The following CHODL variants were observed in gnomAD, a reference collection of about 807,000 sequenced individuals.
CHODL encodes the protein chondrolectin, also known as transmembrane protein MT75.
In CHODL, 29 loss-of-function variants were observed where a neutral mutation model predicts 34.5. The ratio of observed to expected loss-of-function variants is 0.84; its 90% CI spans 0.63 to 1.15. The LOEUF is 1.15. Ranked by LOEUF, CHODL falls within the 50% of genes most tolerant of loss-of-function variation. CHODL has a pLI of 0.00. For synonymous variants in CHODL, 125 were observed against 116.1 expected (o/e 1.08, Z -0.49); for missense variants, 332 against 332.5 (o/e 1.00, Z 0.01).
intron 2 of CHODL, among the ~76,000 whole-genome samples, chr21:18,170,496 G>T (rs968658724): frequency 6.6e-6 from 1 of 151,806 alleles, no homozygotes; most frequent in Non-Finnish European, 1.5e-5. Flanking sequence ...CTCTATTACT[G>T]GCTTATTTGG....
At chr21:18,210,777 A>G (rs1446484671) in intron 2 of CHODL, among the ~76,000 whole-genome samples, 3 of 152,208 alleles carry the variant, frequency 2.0e-5, no homozygotes, top group Non-Finnish European at 4.4e-5. Flanking sequence ...AGCAAAAGCA[A>G]CTTTTGCTCT....
At chr21:18,160,131 A>G (rs1164240106) in intron 2 of CHODL, among the ~76,000 whole-genome samples, 3 of 152,200 alleles carry the variant, frequency 2.0e-5, no homozygotes, top group Non-Finnish European at 4.4e-5. Context: ...CAACAATCTT[A>G]GAAGAAAGGA....
intron 1 of CHODL, among the ~76,000 whole-genome samples, chr21:17,920,757 A>AATAC (rs1365402499): frequency 6.6e-6 from 1 of 152,232 alleles, no homozygotes; most frequent in Non-Finnish European, 1.5e-5. Context: ...TATCGGAGTA[A>AATAC]ATACATCTGA....
chr21:18,031,502 C>G (rs1000787823), intron 2 of CHODL, among the ~76,000 whole-genome samples: 14 of 151,930 alleles, frequency 9.2e-5, no homozygotes, highest in Admixed American at 1.3e-4. Context: ...TGGGGCAGGA[C>G]AGACTTTATT....
intron 2 of CHODL, among the ~76,000 whole-genome samples, chr21:18,195,431 T>G (rs2073575521): frequency 6.6e-6 from 1 of 152,174 alleles, no homozygotes; most frequent in Admixed American, 6.6e-5. Context: ...TAACTGAAAC[T>G]TTGTACCCTT....
chr21:17,931,072 G>A (rs1417745667), intron 1 of CHODL, among the ~76,000 whole-genome samples: 1 of 152,168 alleles, frequency 6.6e-6, no homozygotes, highest in East Asian at 1.9e-4. Context: ...ATGTGGAGCT[G>A]GTGGAGCCCC....
intron 1 of CHODL, among the ~76,000 whole-genome samples, chr21:17,971,684 C>G (rs971871101): frequency 2.0e-5 from 3 of 151,870 alleles, no homozygotes; most frequent in Non-Finnish European, 4.4e-5. Flanking sequence ...CAAAAAAAGC[C>G]CAGGACCAGA....
chr21:18,137,640 T>C (rs1164674581), intron 2 of CHODL, among the ~76,000 whole-genome samples: 1 of 148,674 alleles, frequency 6.7e-6, no homozygotes, highest in Non-Finnish European at 1.5e-5. Flanking sequence ...AACAACTTTC[T>C]TAAACAAAAT....
rs11423104 is a variant in CHODL, at chr21:18,158,838, T to TAAA, written c.-44-97656_-44-97654dup. Reference sequence around the variant, plus strand: ...GGGCAACGAGAGTGAAACTCCGTCTTAAAAAAAAAAAAAAAAAGAAGAAGA... The same window carrying TAAA: ...GGGCAACGAGAGTGAAACTCCGTCTTAAAAAAAAAAAAAAAAAAAAGAAGAAGA... On this transcript the variant is annotated intron_variant, in intron 2 of 6. Transcript: ENST00000400127. Among the ~76,000 whole-genome samples, 272 of 121,172 alleles carry TAAA rather than the reference T, an allele frequency of 2.2e-3. 6 individuals are homozygous for TAAA. In the East Asian group the frequency reaches 0.033, roughly 14 times the overall value. 79.5% of individuals were successfully genotyped at this position (121,172 alleles called of 152,430 possible).
At chr21:18,076,650 G>C (rs906044346) in intron 2 of CHODL, among the ~76,000 whole-genome samples, 2 of 152,182 alleles carry the variant, frequency 1.3e-5, no homozygotes, top group African/African-American at 2.4e-5. Flanking sequence ...TTAACTGATA[G>C]GGAGATTAGT....
At chr21:18,168,310 C>A (rs2073183156) in intron 2 of CHODL, among the ~76,000 whole-genome samples, 1 of 152,156 alleles carries the variant, frequency 6.6e-6, no homozygotes, top group African/African-American at 2.4e-5. Context: ...TTAGGTCTGT[C>A]CCTCTAGAAA....
At chr21:17,925,360 G>A (rs997389267) in intron 1 of CHODL, among the ~76,000 whole-genome samples, 3 of 152,228 alleles carry the variant, frequency 2.0e-5, no homozygotes, top group African/African-American at 7.2e-5. Flanking sequence ...CTCAGGTGGA[G>A]AATGGGTGAA....
intron 2 of CHODL, among the ~76,000 whole-genome samples, chr21:18,045,293 G>A (rs933346582): frequency 1.3e-5 from 2 of 151,922 alleles, no homozygotes; most frequent in African/African-American, 4.8e-5. Context: ...CCTTGTGAAT[G>A]TGAGCTTATT....
chr21:17,924,304 G>A (rs2063206866), intron 1 of CHODL, among the ~76,000 whole-genome samples: 1 of 152,226 alleles, frequency 6.6e-6, no homozygotes, highest in Non-Finnish European at 1.5e-5. Context: ...AAGCCCAAGG[G>A]CCAGCAGGAG....
At chr21:18,090,483 A>G (rs193159142) in intron 2 of CHODL, among the ~76,000 whole-genome samples, 1 of 152,300 alleles carries the variant, frequency 6.6e-6, no homozygotes, top group African/African-American at 2.4e-5. Context: ...GGAAATAGAG[A>G]TATTTCAGGT....
intron 1 of CHODL, among the ~76,000 whole-genome samples, chr21:17,962,146 C>T (rs1165727407): frequency 1.3e-5 from 2 of 152,248 alleles, no homozygotes; most frequent in East Asian, 3.9e-4. Context: ...TGTGGGAAAG[C>T]AGGAATACTT....
intron 1 of CHODL, chr21:18,022,415 C>G (rs1568848144): frequency 6.6e-6 from 1 of 152,172 alleles, no homozygotes; most frequent in Non-Finnish European, 1.5e-5. Flanking sequence ...AGAATGATTT[C>G]ATCTTGAGAT....
intron 2 of CHODL, among the ~76,000 whole-genome samples, chr21:18,051,173 G>A (rs1008266182): frequency 7.4e-4 from 112 of 151,890 alleles, no homozygotes; most frequent in African/African-American, 2.5e-3. Context: ...GTGAGAACAT[G>A]GCGGTGTTGG....
intron 2 of CHODL, among the ~76,000 whole-genome samples, chr21:18,187,858 T>C (rs1269810745): frequency 6.6e-6 from 1 of 152,196 alleles, no homozygotes; most frequent in East Asian, 1.9e-4. Flanking sequence ...GAATAAAAGA[T>C]GCCTCCTTGA....
Sources: allele counts gnomAD v4.1 joint callset (sites outside exome capture counted in the v4.1 genomes callset), GRCh38; gene constraint gnomAD v4.1.1; transcripts MANE v1.5; gene names NCBI Gene and HGNC (gene_info 2026-07-23, HGNC 2026-07-21).